Variants in COLEC10 observed in about 807,000 individuals in gnomAD.
The protein encoded by COLEC10 is collectin-10.
Under a neutral mutation model 28.4 loss-of-function variants are expected in COLEC10, and 22 were observed. The ratio of observed to expected loss-of-function variants is 0.78; its 90% CI spans 0.55 to 1.11. The LOEUF (loss-of-function observed/expected upper bound fraction) is 1.11. Ranked by LOEUF, COLEC10 falls within the 50% of genes least tolerant of loss-of-function variation. The pLI, the probability that COLEC10 is intolerant of heterozygous loss-of-function variation, is 0.00. For synonymous variants in COLEC10, 125 were observed against 116.1 expected (o/e 1.08, Z -0.49); for missense variants, 361 against 344.1 (o/e 1.05, Z -0.39).
At chr8:119,026,639 A>G (rs1814196799) in intron 2 of COLEC10, among the ~76,000 whole-genome samples, 1 of 152,048 alleles carries the variant, frequency 6.6e-6, no homozygotes, top group Non-Finnish European at 1.5e-5. Context: ...CAGAGAACAG[A>G]CTCTGAAAAT....
At chr8:119,064,755 A>G (rs1466109569), upstream of COLEC10, among the ~76,000 whole-genome samples, 1 of 152,196 alleles carries the variant, frequency 6.6e-6, no homozygotes, top group African/African-American at 2.4e-5. Flanking sequence ...ATGGAAACCA[A>G]ATAGTATTTT....
chr8:119,003,400 T>A (rs1461801292), intron 1 of COLEC10, among the ~76,000 whole-genome samples: 1 of 152,106 alleles, frequency 6.6e-6, no homozygotes. Context: ...ATGGCATGAT[T>A]GTTTAGAAAA....
the COLEC10 span, among the ~76,000 whole-genome samples, chr8:118,971,937 A>G: frequency 6.6e-6 from 1 of 151,980 alleles, no homozygotes; most frequent in African/African-American, 2.4e-5. Context: ...CCACACTCCC[A>G]CCTGCAACCA....
In COLEC10 at chr8:119,107,366, A is replaced by G. The variant is rs1411388743; in HGVS notation, c.*1175A>G. On this transcript the variant is annotated 3_prime_UTR_variant, in exon 6 of 6. Coordinates refer to ENST00000332843, the MANE Select transcript of COLEC10 (RefSeq NM_006438.5). The stretch of plus-strand genomic sequence containing the variant: ...CTGAGCTGGTAAAATTCTACCTTGA[A>G]CTGTAGATCAAACCTCAAAGCAGCT... 6.6e-6 allele frequency among the ~76,000 whole-genome samples: 1 copy of G among 152,186 alleles called. No homozygotes were observed. The highest frequency in any genetic ancestry group is 2.4e-5 in the African/African-American group (1 of 41,442).
intron 2 of COLEC10, among the ~76,000 whole-genome samples, chr8:119,024,561 T>A (rs1479518177): frequency 8.5e-6 from 1 of 117,818 alleles, no homozygotes; most frequent in South Asian, 3.1e-4. Context: ...CATACATGTA[T>A]GCACATATAT....
intron 1 of COLEC10, among the ~76,000 whole-genome samples, chr8:119,004,677 A>G (rs67819415): frequency 0.65 from 97,564 of 151,194 alleles, 32,501 homozygotes; most frequent in African/African-American, 0.81. Flanking sequence ...CCAAGTGAGC[A>G]TTGTATATCT....
At chr8:118,988,879 C>G in the COLEC10 span, among the ~76,000 whole-genome samples, 1 of 152,180 alleles carries the variant, frequency 6.6e-6, no homozygotes, top group Admixed American at 6.5e-5. Context: ...CCTCACACTA[C>G]AGGCCATTTA....
rs138823463 is a variant in COLEC10, at chr8:119,054,593, T to G, written n.236-35087T>G. ...GTACAATACTAAAACATAAACCTAGTTATATATCCTTATGGCATCTGAAAT... is the reference window on the plus strand; with the variant it reads ...GTACAATACTAAAACATAAACCTAGGTATATATCCTTATGGCATCTGAAAT... On this transcript the variant is annotated intron_variant and non_coding_transcript_variant, in intron 2 of 6. Coordinates refer to the COLEC10 transcript ENST00000521788. Among the ~76,000 whole-genome samples the G allele has an allele frequency of 1.9e-3, 284 of 152,196 alleles. 2 individuals are homozygous for G. Among genetic ancestry groups the G allele is most frequent in the African/African-American group, 6.6e-3 (276 of 41,560 alleles).
chr8:118,957,877 A>G, the COLEC10 span, among the ~76,000 whole-genome samples: 1 of 152,166 alleles, frequency 6.6e-6, no homozygotes, highest in African/African-American at 2.4e-5. Flanking sequence ...GAATCCCTGG[A>G]ATGGGAACCT....
intron 1 of COLEC10, among the ~76,000 whole-genome samples, chr8:118,997,907 T>C (rs1316648351): frequency 6.6e-6 from 1 of 152,168 alleles, no homozygotes; most frequent in African/African-American, 2.4e-5. Context: ...AATAAAGGTA[T>C]TAGTGTTAAC....
chr8:119,038,634 A>C (rs528770030), intron 2 of COLEC10, among the ~76,000 whole-genome samples: 1 of 152,354 alleles, frequency 6.6e-6, no homozygotes, highest in Admixed American at 6.5e-5. Flanking sequence ...CTTGTTTTAG[A>C]AATGTATTTA....
chr8:118,997,443 C>T (rs1586988603), intron 1 of COLEC10, among the ~76,000 whole-genome samples: 1 of 152,132 alleles, frequency 6.6e-6, no homozygotes, highest in Admixed American at 6.6e-5. Flanking sequence ...AGTTTCATAT[C>T]TTACTTTTAC....
In COLEC10 at chr8:119,102,158, A is replaced by G. The variant is rs1016701188; in HGVS notation, c.293-190A>G. On this transcript the variant is annotated intron_variant, in intron 3 of 5. Coordinates refer to ENST00000332843, the MANE Select transcript of COLEC10 (RefSeq NM_006438.5). The stretch of plus-strand genomic sequence containing the variant: ...GAGATATTAGAGATACTAGCTGTAG[A>G]TATTGCAAATACAATTTAAACTGCT... 1.1e-4 allele frequency among the ~76,000 whole-genome samples: 16 copies of G among 152,214 alleles called. No individual in the cohort carries two copies. In the South Asian group the frequency reaches 2.3e-3, roughly 22 times the overall value.
intron 1 of COLEC10, among the ~76,000 whole-genome samples, chr8:119,006,082 T>C (rs1813789883): frequency 6.6e-6 from 1 of 152,078 alleles, no homozygotes; most frequent in South Asian, 2.1e-4. Flanking sequence ...CCCTAAATCT[T>C]TGTGGAGTTC....
chr8:118,973,197 C>T, the COLEC10 span, among the ~76,000 whole-genome samples: 1 of 151,980 alleles, frequency 6.6e-6, no homozygotes, highest in African/African-American at 2.4e-5. Flanking sequence ...TCAGCTTCTG[C>T]CTTTATTCCG....
chr8:118,987,662 AT>A, the COLEC10 span, among the ~76,000 whole-genome samples: 8 of 152,166 alleles, frequency 5.3e-5, no homozygotes, highest in Non-Finnish European at 7.4e-5. Context: ...AGAAAAAAAA[AT>A]CTGAGCCTTG....
chr8:118,988,647 G>A, the COLEC10 span, among the ~76,000 whole-genome samples: 196 of 152,258 alleles, frequency 1.3e-3, no homozygotes, highest in Non-Finnish European at 2.5e-3. Flanking sequence ...ATTATAGGAG[G>A]TTCCTTCTTC....
chr8:118,982,732 C>T, the COLEC10 span: 1 of 154,244 alleles, frequency 6.5e-6, no homozygotes, highest in East Asian at 1.9e-4. Flanking sequence ...GACCCAACTT[C>T]CTCTGGTTGT....
chr8:119,014,343 A>G (rs1259922552), intron 2 of COLEC10, among the ~76,000 whole-genome samples: 1 of 149,636 alleles, frequency 6.7e-6, no homozygotes, highest in Non-Finnish European at 1.5e-5. Context: ...CGCAGGGTAC[A>G]GCATTCTAGA....
Sources: gnomAD v4.1 joint callset for allele counts (sites outside exome capture counted in the v4.1 genomes callset) on GRCh38, gnomAD v4.1.1 for gene constraint, MANE v1.5 for transcripts, NCBI Gene and HGNC (gene_info 2026-07-23, HGNC 2026-07-21) for gene names.